The following WDR88 variants were observed in gnomAD, a reference collection of about 807,000 sequenced individuals.
WDR88 encodes WD repeat domain 88.
A neutral mutation model predicts 46.8 loss-of-function variants in WDR88; 40 were observed. The observed-to-expected ratio is 0.86, with a 90% confidence interval of 0.66 to 1.11. WDR88 has a LOEUF of 1.11. WDR88 is among the 50% of genes most tolerant of loss of function. The pLI is 0.00. For missense variants in WDR88, 562 were observed against 602.4 expected (o/e 0.93, Z 0.70); for synonymous variants, 235 against 240.7 (o/e 0.98, Z 0.22).
Position 33,148,771 on chromosome 19 carries a change from G to C in WDR88, c.541-1G>C. The C allele has an allele frequency of 6.2e-7, 1 of 1,614,094 alleles. No individual in the cohort carries two copies. Among genetic ancestry groups the C allele is most frequent in the South Asian group, 1.1e-5 (1 of 91,080 alleles). On this transcript the variant is annotated splice_acceptor_variant, in intron 4 of 10. Coordinates refer to ENST00000355868, the MANE Select transcript of WDR88 (RefSeq NM_173479.4). LOFTEE classifies it high-confidence loss of function. ...ACCTTTTGATTGCTGGCTCATTTCA[G>C]TGGAAGGTCAGGTATGATACCTTCA...
chr19:33,174,065 TG>T, intron 10 of WDR88: 2 of 1,042,186 alleles, frequency 1.9e-6, no homozygotes, highest in Non-Finnish European at 2.8e-6. Context: ...TTGGCCAGGT[TG>T]GTCTCGAACT....
At position 33,156,520 on chromosome 19, in the gene WDR88, T is replaced by C; in HGVS notation, c.975T>C (p.Ser325=). 6.2e-7 allele frequency: 1 copy of C among 1,613,510 alleles called. No individual in the cohort carries two copies. The highest frequency in any genetic ancestry group is 8.5e-7 in the Non-Finnish European group (1 of 1,179,760). The change falls in exon 7 of 11, where the codon AGT becomes AGC. Residue 325 remains serine, a synonymous_variant. Transcript: ENST00000355868. The part of the protein sequence containing the change: ...TLMQGHEGSV[S]SCHFARDSSF... ...TGCAGGGCCATGAAGGTTCTGTCAG[T>C]TCCTGTCACTTTGCCAGAGACAGTG... is the stretch of plus-strand genomic sequence containing the variant.
chr19:33,156,616 T>A, intron 7 of WDR88, 74 bp downstream of exon 7: 4 of 1,490,538 alleles, frequency 2.7e-6, no homozygotes, highest in Non-Finnish European at 3.6e-6. Context: ...TCCGTTCAAA[T>A]GGACAGAGAG....
intron 3 of WDR88, 102 bp downstream of exon 3, chr19:33,145,034 A>C: frequency 1.8e-6 from 2 of 1,097,804 alleles, no homozygotes; most frequent in Non-Finnish European, 2.7e-6. Context: ...AGTAATAGAT[A>C]TGGGGTCTCA....
chr19:33,132,284 G>A lies in WDR88; in HGVS notation c.115G>A (p.Ala39Thr). Residue 39 changes from alanine to threonine, a missense_variant, in exon 1 of 11, where the codon GCG becomes ACG. Physicochemically the swap from Ala to Thr is moderately conservative, Grantham distance 58 (BLOSUM62 0). Transcript: ENST00000355868. ...CGGCAAGCTGTCCTGGGGGACCATG[G>A]CGAGGGCCTTAGGCCGCTTCAAGCT... ...CPGKLSWGTM[A>T]RALGRFKLSI... 1.2e-6 allele frequency: 2 copies of A among 1,613,618 alleles called. No individual in the cohort carries two copies. The highest frequency in any genetic ancestry group is 1.7e-6 in the Non-Finnish European group (2 of 1,179,996).
At chr19:33,148,219 CA>C (rs373243335) in intron 4 of WDR88, among the ~76,000 whole-genome samples, 1 of 152,134 alleles carries the variant, frequency 6.6e-6, no homozygotes, top group African/African-American at 2.4e-5. Context: ...CTCGGCCCTG[CA>C]CCCCTTCCAG....
Position 33,175,707 on chromosome 19 carries a change from C to G in WDR88, c.*135C>G. On this transcript the variant is annotated 3_prime_UTR_variant, in exon 11 of 11. Transcript: ENST00000355868. ...GACTGGGGCAGGACCCAAGCCCTGG[C>G]TGGACTCAGCACAGTGCCACCTCCT... 4.9e-6 allele frequency: 5 copies of G among 1,017,524 alleles called. No homozygotes were observed. The highest frequency in any genetic ancestry group is 7.2e-6 in the Non-Finnish European group (5 of 693,380). 63.0% of individuals were successfully genotyped at this position (1,017,524 alleles called of 1,614,324 possible). A position where few individuals can be genotyped will look rare whatever the true frequency, so the allele number is the denominator to read the frequency against.
Position 33,148,850 on chromosome 19 carries a change from G to C in WDR88, c.619G>C (p.Val207Leu). The C allele has an allele frequency of 6.2e-7, 1 of 1,614,090 alleles. No individual in the cohort carries two copies. The highest frequency in any genetic ancestry group is 8.5e-7 in the Non-Finnish European group (1 of 1,180,008). The change falls in exon 5 of 11, where the codon GTG (valine) becomes CTG (leucine). Residue 207 changes from valine (V) to leucine (L), a missense_variant. Physicochemically the swap from Val to Leu is conservative, Grantham distance 32 (BLOSUM62 1). Transcript: ENST00000355868. ...TAAATACGTGGTCTCAGGCTTCGAC[G>C]TGGATCATGGAATCTGCATAATGGA... ...DGKYVVSGFD[V>L]DHGICIMDAE...
intron 10 of WDR88, among the ~76,000 whole-genome samples, chr19:33,173,798 C>T (rs767472817): frequency 1.3e-5 from 2 of 152,196 alleles, no homozygotes; most frequent in Non-Finnish European, 2.9e-5. Flanking sequence ...GGGGTTGGAC[C>T]GTGGGATGTA....
chr19:33,146,192 A>C lies in WDR88; in HGVS notation c.476+1260A>C, dbSNP rs553161714. On this transcript the variant is annotated intron_variant, in intron 3 of 10. Transcript: ENST00000355868. ...CATGCCTGTAATCCCAGCTACTCGG[A>C]GGCTTAGGCAGGAGAATTGCTTGAA... 6.4e-4 allele frequency among the ~76,000 whole-genome samples: 98 copies of C among 152,284 alleles called. 1 individual carries two copies. The Middle Eastern group carries it at 0.01, about 16-fold the overall frequency.
At chr19:33,137,278 G>A (rs1973288714) in intron 1 of WDR88, among the ~76,000 whole-genome samples, 1 of 143,200 alleles carries the variant, frequency 7.0e-6, no homozygotes, top group South Asian at 2.2e-4. Context: ...TTTTCAGATG[G>A]AATCTCACTC....
chr19:33,152,396 CG>C (rs1158302639), intron 6 of WDR88, among the ~76,000 whole-genome samples: 1 of 152,032 alleles, frequency 6.6e-6, no homozygotes, highest in Non-Finnish European at 1.5e-5. Context: ...AGCTCTTACC[CG>C]TTAAGCAATA....
intron 10 of WDR88, chr19:33,174,952 G>A (rs1270720705): frequency 1.0e-6 from 1 of 985,308 alleles, no homozygotes; most frequent in Non-Finnish European, 1.2e-6. Flanking sequence ...TTCCAGAGAG[G>A]GGCTGCGCCC....
Position 33,132,209 on chromosome 19 carries a change from A to T in WDR88, c.40A>T (p.Arg14Trp). The T allele has an allele frequency of 6.2e-7, 1 of 1,608,252 alleles. No homozygotes were observed. The highest frequency in any genetic ancestry group is 1.1e-5 in the South Asian group (1 of 91,048). Residue 14 changes from arginine (R) to tryptophan (W), a missense_variant, in exon 1 of 11, where the codon AGG (arginine) becomes TGG (tryptophan). By Grantham distance (101) the Arg-to-Trp change is moderately radical. Coordinates refer to ENST00000355868, the MANE Select transcript of WDR88 (RefSeq NM_173479.4). The stretch of plus-strand genomic sequence containing the variant: ...GCGGTGCTCCCCGACAGCCCATGAC[A>T]GGGAATGCAAGTTGCCGCCACCCTC... Reference protein sequence around the residue: ...PPRCSPTAHDRECKLPPPSAP... With the variant: ...PPRCSPTAHDWECKLPPPSAP...
chr19:33,155,551 G>A (rs1359061764), intron 6 of WDR88, among the ~76,000 whole-genome samples: 25 of 152,150 alleles, frequency 1.6e-4, no homozygotes, highest in Admixed American at 1.6e-3. Context: ...TAGTTGGGGT[G>A]GAGAAGCAGA....
At chr19:33,147,603 A>G in intron 3 of WDR88, 42 bp from the exon 4 acceptor site, 1 of 1,558,532 alleles carries the variant, frequency 6.4e-7, no homozygotes, top group Non-Finnish European at 8.8e-7. Context: ...ACCCTGTCTC[A>G]AAAAAAAGAA....
At chr19:33,165,196 T>C (rs1973933582) in intron 9 of WDR88, among the ~76,000 whole-genome samples, 2 of 152,148 alleles carry the variant, frequency 1.3e-5, no homozygotes, top group South Asian at 2.1e-4. Flanking sequence ...TCCTGCTGTG[T>C]GGCCCATTTC....
chr19:33,152,165 G>A (rs1432908994), intron 6 of WDR88, among the ~76,000 whole-genome samples: 2 of 151,950 alleles, frequency 1.3e-5, no homozygotes, highest in Non-Finnish European at 2.9e-5. Flanking sequence ...CCGGGAGGTG[G>A]AGGTTGCAGT....
intron 5 of WDR88, among the ~76,000 whole-genome samples, chr19:33,150,403 C>T (rs540704984): frequency 9.8e-5 from 15 of 152,318 alleles, no homozygotes; most frequent in African/African-American, 3.4e-4. Context: ...GAGCCGAAAT[C>T]GCGCCTCTGC....
Sources: allele counts gnomAD v4.1 joint callset (sites outside exome capture counted in the v4.1 genomes callset), GRCh38; gene constraint gnomAD v4.1.1; transcripts MANE v1.5; gene names NCBI Gene and HGNC (gene_info 2026-07-23, HGNC 2026-07-21).